The following VIL1 variants were observed in gnomAD, a reference collection of about 807,000 sequenced individuals.
VIL1 encodes villin-1.
Under a neutral mutation model 104.0 loss-of-function variants are expected in VIL1, and 86 were observed. The observed-to-expected ratio is 0.83, with a 90% CI of 0.69 to 0.99. The LOEUF is 0.99. VIL1 is among the 50% of genes least tolerant of loss of function. VIL1 has a pLI of 0.00. For missense variants in VIL1, 944 were observed against 1,054.1 expected (o/e 0.90, Z 1.45); for synonymous variants, 394 against 412.6 (o/e 0.95, Z 0.55).
intron 19 of VIL1, among the ~76,000 whole-genome samples, chr2:218,442,663 T>C (rs996022980): frequency 6.6e-6 from 1 of 152,008 alleles, no homozygotes; most frequent in South Asian, 2.1e-4. Flanking sequence ...TCCCACTTCA[T>C]GAAGATCCAA....
At chr2:218,431,051 A>T in intron 10 of VIL1, 173 bp downstream of exon 10, 1 of 895,332 alleles carries the variant, frequency 1.1e-6, no homozygotes, top group Non-Finnish European at 1.7e-6. Flanking sequence ...AGTTGTCACA[A>T]AAAGGGAGCT....
In VIL1 at chr2:218,449,850, A is replaced by T. The variant is rs4674309; in HGVS notation, c.*514A>T. 19,253 of 157,072 alleles carry T rather than the reference A, an allele frequency of 0.12. 1,580 individuals are homozygous for T. Among genetic ancestry groups the T allele is most frequent in the Non-Finnish European group, 0.18 (12,888 of 70,632 alleles). The allele number at this position is 157,072 out of a possible 1,614,324, so 9.7% of individuals were successfully genotyped here. On this transcript the variant is annotated 3_prime_UTR_variant, in exon 20 of 20. Coordinates refer to ENST00000248444, the MANE Select transcript of VIL1 (RefSeq NM_007127.3). ...GAATGGTCCACAAGACTACCCTCTT[A>T]AGAGGTTTCACAAATTCCAAACAGT...
chr2:218,448,457 C>A (rs1689404105), intron 19 of VIL1, among the ~76,000 whole-genome samples: 1 of 151,402 alleles, frequency 6.6e-6, no homozygotes, highest in South Asian at 2.1e-4. Context: ...CCTAGCTACT[C>A]AGGAGGCTGA....
intron 19 of VIL1, among the ~76,000 whole-genome samples, chr2:218,442,911 C>T (rs1161332134): frequency 6.6e-6 from 1 of 152,164 alleles, no homozygotes; most frequent in East Asian, 1.9e-4. Flanking sequence ...GTGTTCTCTC[C>T]TGGATTCTCC....
At chr2:218,447,413 G>C (rs1689383712) in intron 19 of VIL1, among the ~76,000 whole-genome samples, 1 of 152,130 alleles carries the variant, frequency 6.6e-6, no homozygotes, top group African/African-American at 2.4e-5. Context: ...TGCCACCTGG[G>C]CTCAAGTGAT....
At chr2:218,436,912 C>T (rs1689201321) in intron 16 of VIL1, among the ~76,000 whole-genome samples, 1 of 152,190 alleles carries the variant, frequency 6.6e-6, no homozygotes, top group African/African-American at 2.4e-5. Context: ...GGGAGACACA[C>T]ATTTGCAGAA....
rs888453394 is a variant in VIL1 at position 218,449,154 on chromosome 2, C to T, written c.2371-69C>T. 6.2e-6 allele frequency: 7 copies of T among 1,123,644 alleles called. No homozygotes were observed. The East Asian group carries it at 9.4e-5, about 15-fold the overall frequency. The allele number at this position is 1,123,644 out of a possible 1,614,324, so 69.6% of individuals were successfully genotyped here. Reference sequence around the variant, plus strand: ...CACATCTATGACTCATCAGAGCAAACGGTGCCTGAGGGTGAGGGAGGAAGG... The same window carrying T: ...CACATCTATGACTCATCAGAGCAAATGGTGCCTGAGGGTGAGGGAGGAAGG... On this transcript the variant is annotated intron_variant, in intron 19 of 19. Transcript: ENST00000248444.
intron 10 of VIL1, among the ~76,000 whole-genome samples, chr2:218,431,460 T>A (rs1689097305): frequency 6.6e-6 from 1 of 151,780 alleles, no homozygotes; most frequent in African/African-American, 2.4e-5. Context: ...TACCAGCCAG[T>A]ATTTGCTGAG....
At chr2:218,431,174 G>A (rs188586534) in intron 10 of VIL1, 47 of 514,336 alleles carry the variant, frequency 9.1e-5, no homozygotes, top group East Asian at 1.6e-4. Context: ...GTGAAACCCC[G>A]TCTCTACTGA....
At chr2:218,422,893 C>T (rs1688921412) in intron 1 of VIL1, among the ~76,000 whole-genome samples, 1 of 152,176 alleles carries the variant, frequency 6.6e-6, no homozygotes. Context: ...GCACTAGTGG[C>T]TGTCTGCCCT....
At chr2:218,420,667 G>T (rs976078982) in intron 1 of VIL1, among the ~76,000 whole-genome samples, 1 of 150,788 alleles carries the variant, frequency 6.6e-6, no homozygotes, top group African/African-American at 2.4e-5. Context: ...CTCACTGCAG[G>T]CTCCACCCCC....
chr2:218,426,227 T>C (rs1401275882), intron 4 of VIL1, among the ~76,000 whole-genome samples: 1 of 151,830 alleles, frequency 6.6e-6, no homozygotes, highest in African/African-American at 2.4e-5. Flanking sequence ...CCTATCACAC[T>C]AAAAACCAAG....
intron 1 of VIL1, among the ~76,000 whole-genome samples, chr2:218,422,790 T>C (rs1017557285): frequency 6.6e-6 from 1 of 152,168 alleles, no homozygotes; most frequent in Admixed American, 6.5e-5. Flanking sequence ...GGAGGGCAGC[T>C]CTCTGCCAGG....
intron 16 of VIL1, among the ~76,000 whole-genome samples, chr2:218,436,915 T>C (rs921473800): frequency 2.0e-5 from 3 of 152,182 alleles, no homozygotes; most frequent in Non-Finnish European, 4.4e-5. Flanking sequence ...AGACACACAT[T>C]TGCAGAATAT....
chr2:218,434,197 C>CAGAAAAAAAAA (rs1689146293), intron 13 of VIL1, among the ~76,000 whole-genome samples: 1 of 92,122 alleles, frequency 1.1e-5, no homozygotes, highest in Non-Finnish European at 2.2e-5. Context: ...AACTCCGTCT[C>CAGAAAAAAAAA]AAAAAAAAAA....
chr2:218,439,262 G>A (rs1452553828), intron 18 of VIL1, among the ~76,000 whole-genome samples: 2 of 151,930 alleles, frequency 1.3e-5, no homozygotes, highest in Non-Finnish European at 2.9e-5. Flanking sequence ...CATAGAAGTC[G>A]GGGAGATGGG....
rs377730033 is a variant in VIL1 at position 218,431,833 on chromosome 2, G to A, written c.1103-24G>A. ...GGGAGACCTCAGCTGGTGACAGTTG[G>A]TTTCATGATTTCCCCCACTCTAGCC... is the stretch of plus-strand genomic sequence containing the variant. On this transcript the variant is annotated intron_variant, in intron 10 of 19. Transcript: ENST00000248444. The A allele has an allele frequency of 3.7e-6, 6 of 1,602,280 alleles. No homozygotes were observed. The African/African-American group carries it at 8.0e-5, about 21-fold the overall frequency.
intron 1 of VIL1, among the ~76,000 whole-genome samples, chr2:218,421,540 G>A (rs1688899248): frequency 6.6e-6 from 1 of 152,122 alleles, no homozygotes; most frequent in African/African-American, 2.4e-5. Flanking sequence ...CAGGAGAAGT[G>A]AGGAGGAGGC....
At chr2:218,423,627 C>T in intron 1 of VIL1, 141 bp from the exon 2 acceptor site, 1 of 730,934 alleles carries the variant, frequency 1.4e-6, no homozygotes, top group African/African-American at 1.8e-5. Context: ...GAAATGGTCC[C>T]TGAGTGGGGA....
Sources: allele counts gnomAD v4.1 joint callset (sites outside exome capture counted in the v4.1 genomes callset), GRCh38; gene constraint gnomAD v4.1.1; transcripts MANE v1.5; gene names NCBI Gene and HGNC (gene_info 2026-07-23, HGNC 2026-07-21).